The following DUSP10 variants were observed in gnomAD, a reference collection of about 807,000 sequenced individuals.
DUSP10 encodes the protein dual specificity protein phosphatase 10.
A neutral mutation model predicts 30.8 loss-of-function variants in DUSP10; 14 were observed. The observed-to-expected ratio is 0.46, with a 90% confidence interval of 0.30 to 0.71. DUSP10 has a LOEUF of 0.71. DUSP10 is among the 30% of genes least tolerant of loss of function. The pLI is 0.08. For missense variants in DUSP10, 550 were observed against 619.4 expected, an observed-to-expected ratio of 0.89 and a Z score of 1.19; for synonymous variants, 254 against 250.4, an observed-to-expected ratio of 1.01 and a Z score of -0.14.
At chr1:221,714,379 G>A (rs949240512) in intron 2 of DUSP10, among the ~76,000 whole-genome samples, 1 of 152,164 alleles carries the variant, frequency 6.6e-6, no homozygotes, top group Non-Finnish European at 1.5e-5. Flanking sequence ...CAAGCAAACT[G>A]AGAGCTCGCA....
At chr1:221,740,935 C>T (rs1334073272) in intron 1 of DUSP10, among the ~76,000 whole-genome samples, 1 of 152,162 alleles carries the variant, frequency 6.6e-6, no homozygotes, top group African/African-American at 2.4e-5. Context: ...ATAGCAAAGA[C>T]GCCAAACCCC....
intron 2 of DUSP10, among the ~76,000 whole-genome samples, chr1:221,735,194 G>T (rs962544809): frequency 3.3e-5 from 5 of 152,136 alleles, no homozygotes; most frequent in African/African-American, 1.2e-4. Context: ...AAGGCCTTTG[G>T]TACAGAGCAG....
intron 2 of DUSP10, among the ~76,000 whole-genome samples, chr1:221,715,777 T>G (rs1239401186): frequency 6.6e-6 from 1 of 152,216 alleles, no homozygotes; most frequent in Non-Finnish European, 1.5e-5. Flanking sequence ...GACTTTTATG[T>G]GAGCAGGATT....
At chr1:221,729,992 A>T (rs1008097963) in intron 2 of DUSP10, among the ~76,000 whole-genome samples, 3 of 152,176 alleles carry the variant, frequency 2.0e-5, no homozygotes, top group African/African-American at 7.2e-5. Context: ...GGAGCCCAGA[A>T]CTCAGGTCTG....
chr1:221,704,087 G>T lies in DUSP10; in HGVS notation c.1184-1410C>A, dbSNP rs149735123. ...GTTCCACTACACACACTTGATTCAG[G>T]AATAAATAAACTGGTATAAACACTA... On this transcript the variant is annotated intron_variant, in intron 3 of 3. Transcript: ENST00000366899. Among the ~76,000 whole-genome samples the T allele has an allele frequency of 2.0e-3, 310 of 152,214 alleles. 3 individuals are homozygous for T. Among genetic ancestry groups the T allele is most frequent in the Admixed American group, 0.016 (252 of 15,298 alleles).
chr1:221,720,829 C>G (rs1661261083), intron 2 of DUSP10, among the ~76,000 whole-genome samples: 2 of 152,200 alleles, frequency 1.3e-5, no homozygotes, highest in Admixed American at 6.5e-5. Flanking sequence ...TTCCAAATCT[C>G]TTTTATCATA....
At chr1:221,705,634 G>A (rs1415227878) in intron 3 of DUSP10, among the ~76,000 whole-genome samples, 5 of 152,098 alleles carry the variant, frequency 3.3e-5, no homozygotes, top group African/African-American at 1.2e-4. Context: ...GGATGAATAA[G>A]GCTTAGTAGG....
chr1:221,734,337 C>T (rs1406086508), intron 2 of DUSP10, among the ~76,000 whole-genome samples: 2 of 152,224 alleles, frequency 1.3e-5, no homozygotes, highest in African/African-American at 4.8e-5. Context: ...CTTGGCACTC[C>T]AACTCTATGC....
intron 2 of DUSP10, 78 bp downstream of exon 2, chr1:221,738,856 A>G: frequency 6.6e-7 from 1 of 1,506,268 alleles, no homozygotes; most frequent in Non-Finnish European, 8.9e-7. Flanking sequence ...GGTAAGGAGA[A>G]TGCTGTCACT....
chr1:221,712,085 T>C (rs770956156), intron 2 of DUSP10, among the ~76,000 whole-genome samples: 2 of 152,260 alleles, frequency 1.3e-5, no homozygotes, highest in South Asian at 2.1e-4. Flanking sequence ...CTTCTTGTTT[T>C]CTATGAAATG....
rs1660751259 is a variant in DUSP10 at position 221,706,096 on chromosome 1, A to G, written c.1182T>C (p.Ile394=). 1 of 1,611,614 alleles carries G rather than the reference A, an allele frequency of 6.2e-7. No homozygotes were observed. The highest frequency in any genetic ancestry group is 8.5e-7 in the Non-Finnish European group (1 of 1,178,396). The change falls in exon 3 of 4, where the codon ATT becomes ATC. Residue 394 remains isoleucine, a splice_region_variant and synonymous_variant. Transcript: ENST00000366899. The surrounding 1 kb of genome is among the most constrained non-coding windows in gnomAD (Gnocchi z 4.6). Reference sequence around the variant, plus strand: ...AAATTCCCTATGGGAGATAGTTACCAATGAACTCAAAAGCCTCTTCAAAGT... The same window carrying G: ...AAATTCCCTATGGGAGATAGTTACCGATGAACTCAAAAGCCTCTTCAAAGT... ...RQYFEEAFEF[I]EEAHQCGKGL... is the part of the protein sequence containing the mutation.
chr1:221,731,231 C>G (rs1661580990), intron 2 of DUSP10, among the ~76,000 whole-genome samples: 1 of 152,192 alleles, frequency 6.6e-6, no homozygotes, highest in Admixed American at 6.5e-5. Context: ...CATCCCACCC[C>G]TGTCCCTTAT....
At chr1:221,726,479 G>A (rs1661428569) in intron 2 of DUSP10, among the ~76,000 whole-genome samples, 2 of 152,166 alleles carry the variant, frequency 1.3e-5, no homozygotes, top group South Asian at 4.1e-4. Flanking sequence ...CAGTTACTAT[G>A]TGAGAAACCC....
At chr1:221,714,658 TC>T (rs2102625731) in intron 2 of DUSP10, among the ~76,000 whole-genome samples, 1 of 152,274 alleles carries the variant, frequency 6.6e-6, no homozygotes, top group Non-Finnish European at 1.5e-5. Context: ...ATCTGGCACA[TC>T]CACCACCAGT....
chr1:221,712,244 A>G (rs1258294553), intron 2 of DUSP10, among the ~76,000 whole-genome samples: 3 of 152,184 alleles, frequency 2.0e-5, no homozygotes, highest in Non-Finnish European at 4.4e-5. Flanking sequence ...TCTTGCCCCC[A>G]GGGAACTTGT....
intron 2 of DUSP10, among the ~76,000 whole-genome samples, chr1:221,709,013 A>C (rs1660854735): frequency 6.6e-6 from 1 of 151,612 alleles, no homozygotes; most frequent in South Asian, 2.1e-4. Context: ...AAAAAAAAAA[A>C]AAAAAACCAA....
intron 2 of DUSP10, among the ~76,000 whole-genome samples, chr1:221,719,579 A>C (rs750049284): frequency 2.6e-5 from 4 of 152,218 alleles, no homozygotes; most frequent in Non-Finnish European, 4.4e-5. Context: ...GGCTGGAATT[A>C]CATATTGTCA....
At position 221,729,966 on chromosome 1, in the gene DUSP10, C is replaced by G. The variant is rs1661534806; in HGVS notation, c.811+8968G>C. On this transcript the variant is annotated intron_variant, in intron 2 of 3. Coordinates refer to ENST00000366899, the MANE Select transcript of DUSP10 (RefSeq NM_007207.6). ...ACTGTAATGATTGAAGAAAATGACT[C>G]ACAGTCTTCAATACTGGAGCCCAGA... 1.3e-5 allele frequency among the ~76,000 whole-genome samples: 2 copies of G among 152,264 alleles called. 1 individual carries two copies. Among genetic ancestry groups the G allele is most frequent in the South Asian group, 4.2e-4 (2 of 4,814 alleles).
intron 2 of DUSP10, among the ~76,000 whole-genome samples, chr1:221,713,257 G>A (rs1158042447): frequency 6.6e-6 from 1 of 152,208 alleles, no homozygotes; most frequent in African/African-American, 2.4e-5. Flanking sequence ...TGCTAAAAGT[G>A]TACTCAGTGC....
Sources: gnomAD v4.1 joint callset for allele counts (sites outside exome capture counted in the v4.1 genomes callset) on GRCh38, gnomAD v4.1.1 for gene constraint, Gnocchi (gnomAD v3.1) non-coding constraint, MANE v1.5 for transcripts, NCBI Gene and HGNC (gene_info 2026-07-23, HGNC 2026-07-21) for gene names.